PPP4R1: variants seen among roughly 807,000 people sequenced by gnomAD.
The protein encoded by PPP4R1 is protein phosphatase 4 regulatory subunit 1.
In PPP4R1, 42 loss-of-function variants were observed where a neutral mutation model predicts 111.2. The observed-to-expected ratio is 0.38, with a 90% CI of 0.29 to 0.49. PPP4R1 has a LOEUF of 0.49. Among genes scored for constraint, PPP4R1 ranks in the 20% least tolerant of loss-of-function variants. The pLI is 0.97. For missense variants in PPP4R1, 1,012 were observed against 1,161.6 expected (o/e 0.87, Z 1.87); for synonymous variants, 409 against 405.5 (o/e 1.01, Z -0.10).
At chr18:9,597,598 AT>A (rs2067310688) in intron 2 of PPP4R1, among the ~76,000 whole-genome samples, 1 of 152,252 alleles carries the variant, frequency 6.6e-6, no homozygotes, top group Non-Finnish European at 1.5e-5. Context: ...AACAACAAAA[AT>A]TTTAAAAATT....
At chr18:9,572,240 G>A (rs2066874103) in intron 10 of PPP4R1, among the ~76,000 whole-genome samples, 2 of 152,012 alleles carry the variant, frequency 1.3e-5, no homozygotes, top group South Asian at 2.1e-4. Context: ...AGATGTGTGG[G>A]GCTGACATAT....
chr18:9,594,076 C>G, intron 3 of PPP4R1: 1 of 460,436 alleles, frequency 2.2e-6, no homozygotes, highest in South Asian at 2.6e-5. Flanking sequence ...TACAGGCATG[C>G]ACCACCACAC....
In PPP4R1 at chr18:9,550,683, T is replaced by G; in HGVS notation, c.2292-285A>C. On this transcript the variant is annotated intron_variant, in intron 16 of 19. Coordinates refer to ENST00000400556, the MANE Select transcript of PPP4R1 (RefSeq NM_001042388.3). ...ACAGAGCAAAGCACTTCCTAGTATG[T>G]TCAACTGGAACATGGCCCACACTGA... 3 of 337,138 alleles carry G rather than the reference T, an allele frequency of 8.9e-6. No homozygotes were observed. In the South Asian group the frequency reaches 1.0e-4, roughly 11 times the overall value. The allele number at this position is 337,138 out of a possible 1,614,324, so 20.9% of individuals were successfully genotyped here.
At chr18:9,552,507 T>C (rs2066505073) in intron 16 of PPP4R1, among the ~76,000 whole-genome samples, 1 of 152,192 alleles carries the variant, frequency 6.6e-6, no homozygotes, top group African/African-American at 2.4e-5. Flanking sequence ...TTTTAAAATT[T>C]AGTAGAAAAA....
At chr18:9,597,060 G>A (rs1168382743) in intron 2 of PPP4R1, among the ~76,000 whole-genome samples, 4 of 152,136 alleles carry the variant, frequency 2.6e-5, no homozygotes, top group African/African-American at 9.7e-5. Context: ...TTGAGCACGG[G>A]AGGTCGAGGG....
At chr18:9,579,056 CCTT>C (rs1284772296) in intron 9 of PPP4R1, among the ~76,000 whole-genome samples, 1 of 152,162 alleles carries the variant, frequency 6.6e-6, no homozygotes, top group Non-Finnish European at 1.5e-5. Context: ...TAATCTACCT[CCTT>C]GATTTCACAA....
chr18:9,565,111 G>A (rs923660432), intron 11 of PPP4R1, among the ~76,000 whole-genome samples: 2 of 152,132 alleles, frequency 1.3e-5, no homozygotes, highest in African/African-American at 4.8e-5. Context: ...CTGTGCCTCT[G>A]TATTGTATGT....
intron 11 of PPP4R1, 132 bp downstream of exon 11, chr18:9,570,025 T>C (rs1470205343): frequency 5.3e-6 from 5 of 940,014 alleles, no homozygotes; most frequent in East Asian, 3.1e-5. Context: ...GCTGGTATTA[T>C]AGGTATGAGT....
rs56258469 is a variant in PPP4R1 at position 9,581,168 on chromosome 18, C to CA, written c.918+1948dup. On this transcript the variant is annotated intron_variant, in intron 9 of 19. Coordinates refer to ENST00000400556, the MANE Select transcript of PPP4R1 (RefSeq NM_001042388.3). ...TCTCAACAAAACATTACAAGGCAGG[C>CA]AAAAAAAAAAAAAATCCATACATTA... Among the ~76,000 whole-genome samples, 1,027 of 138,316 alleles carry CA rather than the reference C, an allele frequency of 7.4e-3. 4 individuals carry two copies. The highest frequency in any genetic ancestry group is 0.038 in the South Asian group (157 of 4,186). The allele number at this position is 138,316 out of a possible 152,430, so 90.7% of individuals were successfully genotyped here.
In PPP4R1 at chr18:9,567,799, C is replaced by T. The variant is rs534451276; in HGVS notation, c.1573+2358G>A. On this transcript the variant is annotated intron_variant, in intron 11 of 19. Coordinates refer to ENST00000400556, the MANE Select transcript of PPP4R1 (RefSeq NM_001042388.3). ...AGTCAACTGACACAGCAAGCTTCCA[C>T]GCTGTTTTATTTTCAGAAATTGCCA... 4.6e-5 allele frequency among the ~76,000 whole-genome samples: 7 copies of T among 152,288 alleles called. No homozygotes were observed. In the South Asian group the frequency reaches 6.2e-4, roughly 14 times the overall value.
chr18:9,575,421 C>T (rs3898762), intron 10 of PPP4R1, among the ~76,000 whole-genome samples: 30,202 of 152,094 alleles, frequency 0.2, 3,325 homozygotes, highest in East Asian at 0.49. Context: ...AGGACTACTT[C>T]TTTATAGTTT....
At chr18:9,552,928 T>G (rs2066512069) in intron 16 of PPP4R1, among the ~76,000 whole-genome samples, 1 of 152,222 alleles carries the variant, frequency 6.6e-6, no homozygotes, top group South Asian at 2.1e-4. Flanking sequence ...TGACTCCACT[T>G]GCATGAAATG....
intron 2 of PPP4R1, among the ~76,000 whole-genome samples, chr18:9,606,557 C>T (rs556010090): frequency 3.2e-4 from 48 of 152,220 alleles, no homozygotes; most frequent in African/African-American, 1.1e-3. Flanking sequence ...AGAAACCCTT[C>T]CTTCAAATAT....
At chr18:9,595,830 C>A (rs900095576) in intron 2 of PPP4R1, among the ~76,000 whole-genome samples, 1 of 152,002 alleles carries the variant, frequency 6.6e-6, no homozygotes, top group Non-Finnish European at 1.5e-5. Flanking sequence ...TAAAAACTAA[C>A]CAAAAGGTAA....
At chr18:9,582,995 C>A in intron 9 of PPP4R1, 122 bp downstream of exon 9, 1 of 965,264 alleles carries the variant, frequency 1.0e-6, no homozygotes. Flanking sequence ...ACTGTCTATT[C>A]CTAAAAGTAT....
At chr18:9,584,857 G>T in intron 6 of PPP4R1, 29 bp from the exon 7 acceptor site, 1 of 1,502,466 alleles carries the variant, frequency 6.7e-7, no homozygotes, top group Non-Finnish European at 9.1e-7. Flanking sequence ...AACACACACT[G>T]AAAATATCAA....
At chr18:9,568,273 C>A (rs907879799) in intron 11 of PPP4R1, among the ~76,000 whole-genome samples, 1 of 152,184 alleles carries the variant, frequency 6.6e-6, no homozygotes, top group Non-Finnish European at 1.5e-5. Context: ...TATCCTTCTG[C>A]CTCAGCCTCC....
chr18:9,547,688 G>A lies in PPP4R1; in HGVS notation c.*101C>T, dbSNP rs2066421063. 1.4e-6 allele frequency: 2 copies of A among 1,407,588 alleles called. No homozygotes were observed. The highest frequency in any genetic ancestry group is 1.4e-5 in the African/African-American group (1 of 70,660). The allele number at this position is 1,407,588 out of a possible 1,614,324, so 87.2% of individuals were successfully genotyped here. On this transcript the variant is annotated 3_prime_UTR_variant, in exon 20 of 20. Transcript: ENST00000400556. The stretch of plus-strand genomic sequence containing the variant: ...GCAATGAAGTCCGCAGGAGAGGAAG[G>A]TCTCTCCTCCCCCGAAAGCTATCCC...
intron 13 of PPP4R1, among the ~76,000 whole-genome samples, chr18:9,561,291 A>T (rs1598900019): frequency 6.6e-6 from 1 of 151,406 alleles, no homozygotes; most frequent in East Asian, 1.9e-4. Flanking sequence ...ACACGTACAG[A>T]CAGTCATGGT....
Sources: allele counts gnomAD v4.1 joint callset (sites outside exome capture counted in the v4.1 genomes callset), GRCh38; gene constraint gnomAD v4.1.1; transcripts MANE v1.5; gene names NCBI Gene and HGNC (gene_info 2026-07-23, HGNC 2026-07-21).